The following PRDM10 variants were observed in gnomAD, a reference collection of about 807,000 sequenced individuals.
PRDM10 encodes the protein PR/SET domain 10.
PRDM10 carries 65 observed loss-of-function variants against 133.1 expected under a neutral mutation model. The ratio of observed to expected loss-of-function variants is 0.49; its 90% CI spans 0.40 to 0.60. The LOEUF (loss-of-function observed/expected upper bound fraction) is 0.60. Among genes scored for constraint, PRDM10 ranks in the 20% least tolerant of loss-of-function variants. The probability of loss-of-function intolerance (pLI) is 0.00; values close to 1 mark genes in which losing one functional copy is unlikely to be tolerated. For missense variants in PRDM10, 1,137 were observed against 1,507.1 expected, an observed-to-expected ratio of 0.75 and a Z score of 4.07; for synonymous variants, 582 against 580.4, an observed-to-expected ratio of 1.00 and a Z score of -0.04.
At chr11:129,929,375 C>T in intron 11 of PRDM10, 1 of 1,557,642 alleles carries the variant, frequency 6.4e-7, no homozygotes, top group Admixed American at 2.0e-5. Context: ...AAACAAGTAA[C>T]ATTCTGTTAT....
chr11:129,955,478 G>T, intron 4 of PRDM10, 34 bp downstream of exon 4: 1 of 1,605,356 alleles, frequency 6.2e-7, no homozygotes, highest in South Asian at 1.1e-5. Flanking sequence ...CATTCACAGT[G>T]TTATCCCCAA....
intron 1 of PRDM10, among the ~76,000 whole-genome samples, chr11:129,978,026 ATTTT>A (rs10556101): frequency 6.7e-6 from 1 of 148,890 alleles, no homozygotes; most frequent in Non-Finnish European, 1.5e-5. Flanking sequence ...GATTTCAACA[ATTTT>A]TTTTTTTTAA....
chr11:129,963,416 G>GAAGAGAA (rs1555111490), intron 1 of PRDM10, among the ~76,000 whole-genome samples: 2 of 149,818 alleles, frequency 1.3e-5, no homozygotes, highest in Non-Finnish European at 3.0e-5. Context: ...GAAGAGAAGA[G>GAAGAGAA]AAGAGAAGAG....
chr11:129,936,932 C>G (rs1224630114), intron 8 of PRDM10, among the ~76,000 whole-genome samples: 1 of 152,138 alleles, frequency 6.6e-6, no homozygotes, highest in Non-Finnish European at 1.5e-5. Flanking sequence ...CACTAGAATA[C>G]CAAATGAGAA....
At chr11:129,955,672 A>C in intron 3 of PRDM10, 101 bp from the exon 4 acceptor site, 1 of 1,015,332 alleles carries the variant, frequency 9.8e-7, no homozygotes, top group South Asian at 1.4e-5. Context: ...TAGAAAAGTT[A>C]ACTCCCATTT....
rs1199192247 is a variant in PRDM10, at chr11:129,915,646, G to A, written c.2526+14C>T. The stretch of plus-strand genomic sequence containing the variant: ...GCGGTTTTGACCTTAGCTTTAGTCA[G>A]AAACTCCCCCTACCTTGCTGCTGTA... On this transcript the variant is annotated intron_variant, in intron 16 of 20. Transcript: ENST00000360871. 1.3e-6 allele frequency: 2 copies of A among 1,554,462 alleles called. No individual in the cohort carries two copies. Among genetic ancestry groups the A allele is most frequent in the African/African-American group, 2.8e-5 (2 of 72,520 alleles).
intron 7 of PRDM10, among the ~76,000 whole-genome samples, chr11:129,940,340 A>G (rs1351152143): frequency 6.6e-6 from 1 of 152,096 alleles, no homozygotes; most frequent in East Asian, 1.9e-4. Context: ...TTTTATAACT[A>G]TTTCCTCTGA....
chr11:129,944,467 C>A (rs1322420693), intron 6 of PRDM10, among the ~76,000 whole-genome samples: 3 of 151,864 alleles, frequency 2.0e-5, no homozygotes, highest in South Asian at 2.1e-4. Flanking sequence ...CGCCTGTAGT[C>A]CCAGCTACTC....
At chr11:129,939,553 C>T (rs548197431) in intron 7 of PRDM10, among the ~76,000 whole-genome samples, 7 of 152,278 alleles carry the variant, frequency 4.6e-5, no homozygotes, top group South Asian at 2.1e-4. Flanking sequence ...GTCATGGCCA[C>T]GATGGAGCTC....
intron 7 of PRDM10, among the ~76,000 whole-genome samples, chr11:129,939,752 T>C (rs1313740514): frequency 2.6e-5 from 4 of 152,244 alleles, no homozygotes. Flanking sequence ...AAGGCTGGCG[T>C]GCATCCTGCA....
Position 129,979,755 on chromosome 11 carries a change from C to T in PRDM10, c.-118-18673G>A, listed in dbSNP as rs186062500. Among the ~76,000 whole-genome samples the T allele has an allele frequency of 8.9e-4, 136 of 152,194 alleles. 1 individual carries two copies. The highest frequency in any genetic ancestry group is 3.2e-3 in the African/African-American group (132 of 41,530). On this transcript the variant is annotated intron_variant, in intron 1 of 20. Coordinates refer to ENST00000360871, the MANE Select transcript of PRDM10 (RefSeq NM_199437.2). Reference sequence around the variant, plus strand: ...TTCTGCCCCTCCTGTTCTAACTGCACGTCCCCATCCCTTCCTGGCCTCGGA... The same window carrying T: ...TTCTGCCCCTCCTGTTCTAACTGCATGTCCCCATCCCTTCCTGGCCTCGGA...
intron 20 of PRDM10, among the ~76,000 whole-genome samples, chr11:129,903,602 G>A (rs1419389611): frequency 6.6e-6 from 1 of 152,158 alleles, no homozygotes; most frequent in Non-Finnish European, 1.5e-5. Context: ...GTGTCTGTCG[G>A]TCAGAAGGAG....
At position 129,925,045 on chromosome 11, in the gene PRDM10, T is replaced by C. The variant is rs983210115; in HGVS notation, c.1715A>G (p.Glu572Gly). ...GTCTGAGTGGAGCTTCATGTGGCTCTCCAAGGATGTGCTGCTGATGAAGCC... is the reference window on the plus strand; with the variant it reads ...GTCTGAGTGGAGCTTCATGTGGCTCCCCAAGGATGTGCTGCTGATGAAGCC... ...NKGFISSTSL[E>G]SHMKLHSDQK... The change falls in exon 12 of 21, where the codon GAG (glutamate) becomes GGG (glycine). Residue 572 changes from glutamate to glycine, a missense_variant. By Grantham distance (98) the Glu-to-Gly change is moderately conservative. Transcript: ENST00000360871. 5 of 1,614,096 alleles carry C rather than the reference T, an allele frequency of 3.1e-6. No individual in the cohort carries two copies. The highest frequency in any genetic ancestry group is 4.2e-6 in the Non-Finnish European group (5 of 1,180,044).
intron 1 of PRDM10, among the ~76,000 whole-genome samples, chr11:129,987,565 T>C (rs554332094): frequency 6.6e-6 from 1 of 152,192 alleles, no homozygotes; most frequent in Non-Finnish European, 1.5e-5. Context: ...TAAAAGCATA[T>C]GTCCCTAAAA....
chr11:129,931,348 A>T, intron 10 of PRDM10, 90 bp from the exon 11 acceptor site: 1 of 1,464,852 alleles, frequency 6.8e-7, no homozygotes, highest in Non-Finnish European at 9.2e-7. Context: ...GAATGACTAG[A>T]TTCATAATAC....
In PRDM10 at chr11:129,912,068, T is replaced by C. The variant is rs1028778810; in HGVS notation, c.2982+17A>G. 6.3e-7 allele frequency: 1 copy of C among 1,584,398 alleles called. No individual in the cohort carries two copies. The highest frequency in any genetic ancestry group is 8.6e-7 in the Non-Finnish European group (1 of 1,165,614). On this transcript the variant is annotated intron_variant, in intron 18 of 20. Coordinates refer to ENST00000360871, the MANE Select transcript of PRDM10 (RefSeq NM_199437.2). ...AAGCCATGATAACACCTCCAAATAG[T>C]CTGTGGAGCAGGGTACCTGGGCGGA...
intron 1 of PRDM10, among the ~76,000 whole-genome samples, chr11:129,999,086 G>C (rs763456063): frequency 6.6e-6 from 1 of 152,034 alleles, no homozygotes; most frequent in Admixed American, 6.6e-5. Context: ...GCCTCCCAGA[G>C]TACTGGGATT....
At chr11:129,955,402 G>A in intron 4 of PRDM10, 110 bp downstream of exon 4, 1 of 1,008,682 alleles carries the variant, frequency 9.9e-7, no homozygotes, top group Non-Finnish European at 1.5e-6. Flanking sequence ...AACATTCTTA[G>A]TACATGAGAA....
At chr11:129,998,210 T>A (rs910871020) in intron 1 of PRDM10, among the ~76,000 whole-genome samples, 1 of 152,214 alleles carries the variant, frequency 6.6e-6, no homozygotes, top group African/African-American at 2.4e-5. Context: ...AATCTGAGTG[T>A]ATGTATTTCA....
Sources: allele counts gnomAD v4.1 joint callset (sites outside exome capture counted in the v4.1 genomes callset), GRCh38; gene constraint gnomAD v4.1.1; transcripts MANE v1.5; gene names NCBI Gene and HGNC (gene_info 2026-07-23, HGNC 2026-07-21).